Variants in CA5A observed in about 807,000 individuals in gnomAD.
CA5A encodes carbonic anhydrase 5A.
In CA5A, 28 loss-of-function variants were observed where a neutral mutation model predicts 37.1. The ratio of observed to expected loss-of-function variants is 0.75; its 90% CI spans 0.56 to 1.03. The LOEUF (loss-of-function observed/expected upper bound fraction) is 1.03, where lower values mean the gene tolerates loss of function less well. CA5A is among the 50% of genes least tolerant of loss of function. The pLI is 0.00. For synonymous variants in CA5A, 171 were observed against 158.4 expected (o/e 1.08, Z -0.60); for missense variants, 444 against 399.9 (o/e 1.11, Z -0.94).
At chr16:87,893,194 C>G (rs950764472) in intron 5 of CA5A, 1 of 429,508 alleles carries the variant, frequency 2.3e-6, no homozygotes, top group African/African-American at 2.1e-5. Flanking sequence ...GTGGTGCGAT[C>G]TCAGCTCACT....
intron 2 of CA5A, among the ~76,000 whole-genome samples, chr16:87,913,416 T>C (rs969478334): frequency 2.0e-5 from 3 of 150,768 alleles, no homozygotes; most frequent in Non-Finnish European, 4.4e-5. Context: ...CATCCTCCCC[T>C]CTCTGCCTCC....
intron 2 of CA5A, among the ~76,000 whole-genome samples, chr16:87,915,709 A>G (rs2056130333): frequency 1.3e-5 from 2 of 150,548 alleles, no homozygotes; most frequent in South Asian, 2.1e-4. Context: ...AAAAAAAAAA[A>G]AAAAAGGAAA....
chr16:87,902,935 A>C (rs2055901637), intron 3 of CA5A, among the ~76,000 whole-genome samples: 1 of 151,004 alleles, frequency 6.6e-6, no homozygotes, highest in African/African-American at 2.4e-5. Context: ...AAAAGAACTA[A>C]GTTGTTGCAG....
chr16:87,912,328 C>A (rs1246037928), intron 2 of CA5A, among the ~76,000 whole-genome samples: 1 of 152,010 alleles, frequency 6.6e-6, no homozygotes, highest in Non-Finnish European at 1.5e-5. Context: ...ATAAAATAAA[C>A]TAAAATTGCT....
At chr16:87,885,630 A>T (rs1482610485), downstream of CA5A, 1 of 152,500 alleles carries the variant, frequency 6.6e-6, no homozygotes, top group Non-Finnish European at 1.5e-5. Flanking sequence ...GGGCCCCAGT[A>T]CCCACCCTTG....
chr16:87,897,675 A>G (rs8058389), intron 5 of CA5A, among the ~76,000 whole-genome samples: 51,229 of 152,160 alleles, frequency 0.34, 9,740 homozygotes, highest in African/African-American at 0.52. Flanking sequence ...GGTGGGCGCC[A>G]GGATGACTGG....
At chr16:87,902,871 C>G (rs575322252) in intron 3 of CA5A, among the ~76,000 whole-genome samples, 3 of 151,234 alleles carry the variant, frequency 2.0e-5, no homozygotes, top group Admixed American at 1.3e-4. Flanking sequence ...GAGATTGTGC[C>G]ACTGCACTCC....
chr16:87,910,859 C>T lies in CA5A; in HGVS notation c.341-5955G>A, dbSNP rs190592263. ...CCACCTCCTGAGCTCAAGCGATTCT[C>T]TCACCTGTGCTTCCCGAGTAGCTGG... On this transcript the variant is annotated intron_variant, in intron 2 of 6. Coordinates refer to ENST00000649794, the MANE Select transcript of CA5A (RefSeq NM_001739.2). Among the ~76,000 whole-genome samples, 57 of 152,270 alleles carry T rather than the reference C, an allele frequency of 3.7e-4. No homozygotes were observed. In the East Asian group the frequency reaches 0.01, roughly 28 times the overall value.
intron 1 of CA5A, among the ~76,000 whole-genome samples, chr16:87,934,525 C>T (rs2056446151): frequency 6.6e-6 from 1 of 152,050 alleles, no homozygotes; most frequent in Admixed American, 6.6e-5. Context: ...CTGGAGATCG[C>T]ACCACTGCGC....
intron 5 of CA5A, among the ~76,000 whole-genome samples, chr16:87,898,466 T>G (rs2055832847): frequency 6.6e-6 from 1 of 152,210 alleles, no homozygotes; most frequent in Admixed American, 6.5e-5. Flanking sequence ...ATTCTAAAAT[T>G]TCATGGGCTC....
intron 5 of CA5A, among the ~76,000 whole-genome samples, chr16:87,901,165 G>A (rs966676422): frequency 1.3e-5 from 2 of 152,222 alleles, no homozygotes; most frequent in African/African-American, 2.4e-5. Context: ...GGGAGGCGGA[G>A]GTTGCAGTGA....
In CA5A at chr16:87,913,018, T is replaced by C. The variant is rs2056075032; in HGVS notation, c.341-8114A>G. On this transcript the variant is annotated intron_variant, in intron 2 of 6. Transcript: ENST00000649794. ...TTTTTTTTTTGAGACAGAGTCTCGC[T>C]CTGTCACCCAGGCTGGATGCAGTGG... Among the ~76,000 whole-genome samples the C allele has an allele frequency of 2.0e-5, 3 of 151,380 alleles. No individual in the cohort carries two copies. In the South Asian group the frequency reaches 6.3e-4, roughly 32 times the overall value.
intron 2 of CA5A, among the ~76,000 whole-genome samples, chr16:87,916,628 T>C (rs767248192): frequency 6.6e-6 from 1 of 152,228 alleles, no homozygotes; most frequent in Non-Finnish European, 1.5e-5. Context: ...TCTGTAAACT[T>C]GTGTAGAGAA....
chr16:87,893,704 G>A (rs1292514433), intron 5 of CA5A: 1 of 525,614 alleles, frequency 1.9e-6, no homozygotes, highest in African/African-American at 1.9e-5. Context: ...TTTAAAGGCA[G>A]ATTTGGTCGT....
At chr16:87,881,682 T>C (rs1434976408) in exon 5 of CA5A, 1 of 152,012 alleles carries the variant, frequency 6.6e-6, no homozygotes, top group Non-Finnish European at 1.5e-5. Flanking sequence ...GTGAGAGCCC[T>C]TCCCGCAGAG....
At chr16:87,933,379 TA>T (rs971292296) in intron 1 of CA5A, among the ~76,000 whole-genome samples, 1 of 152,172 alleles carries the variant, frequency 6.6e-6, no homozygotes, top group Non-Finnish European at 1.5e-5. Flanking sequence ...AAATGATCCC[TA>T]AAATTATTTT....
chr16:87,922,314 G>T (rs2056241649), intron 2 of CA5A, among the ~76,000 whole-genome samples: 1 of 151,924 alleles, frequency 6.6e-6, no homozygotes. Flanking sequence ...TCCTGAGGAG[G>T]GTGTGCCACA....
chr16:87,903,401 T>C (rs187596884), intron 3 of CA5A, among the ~76,000 whole-genome samples: 21 of 152,294 alleles, frequency 1.4e-4, no homozygotes, highest in Non-Finnish European at 2.2e-4. Context: ...ATAGCGCCAC[T>C]GCACTCCAGC....
In CA5A at chr16:87,901,963, A is replaced by G. The variant is rs1385951348; in HGVS notation, c.567T>C (p.His189=). 8 of 1,613,468 alleles carry G rather than the reference A, an allele frequency of 5.0e-6. No homozygotes were observed. The African/African-American group carries it at 9.4e-5, about 19-fold the overall frequency. ...VIGVFLKLGA[H]HQTLQRLVDI... is the part of the protein sequence containing the mutation. ...CCACCAGCCTCTGCAGCGTCTGATG[A>G]TGGGCCCCGAGCTGCATGGCAGACA... The change falls in exon 5 of 7, where the codon CAT becomes CAC. Residue 189 remains histidine, a synonymous_variant. Coordinates refer to ENST00000649794, the MANE Select transcript of CA5A (RefSeq NM_001739.2).
Sources: allele counts gnomAD v4.1 joint callset (sites outside exome capture counted in the v4.1 genomes callset), GRCh38; gene constraint gnomAD v4.1.1; transcripts MANE v1.5; gene names NCBI Gene and HGNC (gene_info 2026-07-23, HGNC 2026-07-21).